SORBS2: variants seen among roughly 807,000 people sequenced by gnomAD.
The protein encoded by SORBS2 is sorbin and SH3 domain-containing protein 2.
SORBS2 carries 46 observed loss-of-function variants against 97.7 expected under a neutral mutation model. The observed-to-expected ratio is 0.47, with a 90% CI of 0.37 to 0.60. SORBS2 has a LOEUF of 0.60. Ranked by LOEUF, SORBS2 falls within the 20% of genes least tolerant of loss-of-function variation. SORBS2 has a pLI of 0.00. For synonymous variants in SORBS2, 476 were observed against 473.4 expected, an observed-to-expected ratio of 1.01 and a Z score of -0.07; for missense variants, 1,316 against 1,282.3, an observed-to-expected ratio of 1.03 and a Z score of -0.40.
chr4:185,646,935 C>T (rs1326023836), intron 3 of SORBS2, among the ~76,000 whole-genome samples, 153 bp from the exon 13 acceptor site: 10 of 152,102 alleles, frequency 6.6e-5, no homozygotes. Context: ...TACCACATTC[C>T]CCCGCCACTG....
intron 2 of SORBS2, among the ~76,000 whole-genome samples, chr4:185,721,889 A>G (rs1474809100): frequency 1.3e-5 from 2 of 152,218 alleles, no homozygotes; most frequent in African/African-American, 4.8e-5. Flanking sequence ...CAAATAATTT[A>G]GAGAGAATTA....
intron 4 of SORBS2, among the ~76,000 whole-genome samples, chr4:185,663,555 A>G (rs1386847874): frequency 3.3e-5 from 5 of 152,202 alleles, no homozygotes; most frequent in Non-Finnish European, 7.3e-5. Context: ...CGTTCAAATA[A>G]CTGTGAGGCA....
intron 2 of SORBS2, among the ~76,000 whole-genome samples, chr4:185,748,683 C>G (rs2098779754): frequency 6.6e-6 from 1 of 152,198 alleles, no homozygotes; most frequent in Non-Finnish European, 1.5e-5. Flanking sequence ...TTAACTACCT[C>G]AAAATAATTT....
intron 1 of SORBS2, among the ~76,000 whole-genome samples, chr4:185,841,028 G>A (rs970783055): frequency 6.6e-6 from 1 of 152,164 alleles, no homozygotes; most frequent in Non-Finnish European, 1.5e-5. Context: ...GTGGAAGAGG[G>A]CAGGAAGCTT....
intron 1 of SORBS2, among the ~76,000 whole-genome samples, chr4:185,937,645 G>T (rs1184134899): frequency 2.0e-5 from 3 of 152,070 alleles, no homozygotes; most frequent in Non-Finnish European, 4.4e-5. Flanking sequence ...CCTCCTACAG[G>T]CTCCTGATTC....
At chr4:185,702,158 G>A (rs995811487) in intron 2 of SORBS2, among the ~76,000 whole-genome samples, 3 of 152,164 alleles carry the variant, frequency 2.0e-5, no homozygotes, top group African/African-American at 7.2e-5. Context: ...AGGAATACCT[G>A]AGGCTGGGTA....
At position 185,623,726 on chromosome 4, in the gene SORBS2, G is replaced by A. The variant is rs147536434; in HGVS notation, c.1403C>T (p.Pro468Leu). 2.2e-5 allele frequency: 35 copies of A among 1,613,830 alleles called. No individual in the cohort carries two copies. Among genetic ancestry groups the A allele is most frequent in the Non-Finnish European group, 2.8e-5 (33 of 1,179,850 alleles). The change falls in exon 7 of 15, where the codon CCC becomes CTC. Residue 468 changes from proline to leucine, a missense_variant. Physicochemically the swap from Pro to Leu is moderately conservative, Grantham distance 98 (BLOSUM62 -3). Coordinates refer to ENST00000418609, the Ensembl canonical transcript of SORBS2. The surrounding 1 kb of genome is among the most constrained non-coding windows in gnomAD (Gnocchi z 6.4). ...CTGGCAGCCTCGCCGGCCCCGAGCGGGGGGGCCGCTTTGATTTTCTTCCTC... is the reference window on the plus strand; with the variant it reads ...CTGGCAGCCTCGCCGGCCCCGAGCGAGGGGGCCGCTTTGATTTTCTTCCTC...
intron 1 of SORBS2, among the ~76,000 whole-genome samples, chr4:185,925,409 A>ATT (rs143220032): frequency 3.3e-5 from 5 of 151,804 alleles, no homozygotes; most frequent in Non-Finnish European, 7.4e-5. Context: ...AAAATAGCAC[A>ATT]TTTTTTTTCT....
chr4:185,798,290 C>A (rs1249956121), intron 1 of SORBS2, among the ~76,000 whole-genome samples: 1 of 152,166 alleles, frequency 6.6e-6, no homozygotes, highest in Non-Finnish European at 1.5e-5. Flanking sequence ...GTGATTCTAA[C>A]AACTTCAACA....
intron 1 of SORBS2, among the ~76,000 whole-genome samples, chr4:185,879,132 A>G (rs2099235296): frequency 7.3e-6 from 1 of 137,358 alleles, no homozygotes; most frequent in Non-Finnish European, 1.5e-5. Context: ...TTAACTCGCC[A>G]TTTACATTAG....
chr4:185,808,614 T>A (rs1380406552), intron 1 of SORBS2, among the ~76,000 whole-genome samples: 1 of 152,198 alleles, frequency 6.6e-6, no homozygotes, highest in East Asian at 1.9e-4. Flanking sequence ...GGTACTCAAG[T>A]TGTAGGGTAA....
intron 2 of SORBS2, among the ~76,000 whole-genome samples, chr4:185,769,800 A>AT (rs1337711044): frequency 6.6e-6 from 1 of 152,032 alleles, no homozygotes; most frequent in African/African-American, 2.4e-5. Flanking sequence ...TAATACTACT[A>AT]TTTTTTAAAC....
rs1190531331 is a variant in SORBS2 at position 185,618,770 on chromosome 4, A to AAATAAGTCC, written c.2305-148_2305-140dup. 425 of 463,440 alleles carry AAATAAGTCC rather than the reference A, an allele frequency of 9.2e-4. 3 individuals carry two copies. Among genetic ancestry groups the AAATAAGTCC allele is most frequent in the Non-Finnish European group, 2.8e-5 (7 of 252,368 alleles). 28.7% of individuals were successfully genotyped at this position (463,440 alleles called of 1,614,324 possible). A position where few individuals can be genotyped will look rare whatever the true frequency, so the allele number is the denominator to read the frequency against. ...AATGTTAATCCTGTAAGCAATTTAT[A>AAATAAGTCC]AATAAGTCCATTCATTCTTCATTTA... On this transcript the variant is annotated intron_variant, in intron 8 of 14. Coordinates refer to ENST00000418609, the Ensembl canonical transcript of SORBS2.
At chr4:185,803,533 A>C (rs1398435878) in intron 1 of SORBS2, among the ~76,000 whole-genome samples, 1 of 152,176 alleles carries the variant, frequency 6.6e-6, no homozygotes, top group Admixed American at 6.5e-5. Context: ...AAACTATATT[A>C]TTTATGGCTT....
intron 1 of SORBS2, among the ~76,000 whole-genome samples, chr4:185,930,594 G>A (rs370249173): frequency 2.7e-4 from 41 of 152,218 alleles, no homozygotes; most frequent in Non-Finnish European, 4.1e-4. Flanking sequence ...CACTGCTCCC[G>A]GCCCTGGATA....
At chr4:185,909,465 A>C (rs2099253634) in intron 1 of SORBS2, among the ~76,000 whole-genome samples, 1 of 152,194 alleles carries the variant, frequency 6.6e-6, no homozygotes, top group Non-Finnish European at 1.5e-5. Context: ...GGATCTACCA[A>C]AAGCCCAGAC....
At chr4:185,733,830 C>T (rs141269458) in intron 2 of SORBS2, among the ~76,000 whole-genome samples, 2 of 152,248 alleles carry the variant, frequency 1.3e-5, no homozygotes, top group African/African-American at 4.8e-5. Flanking sequence ...GCCTCATTTC[C>T]TCTGATGTTC....
intron 12 of SORBS2, among the ~76,000 whole-genome samples, chr4:185,598,118 G>A (rs2096159587): frequency 6.6e-6 from 1 of 152,178 alleles, no homozygotes; most frequent in Admixed American, 6.5e-5. Flanking sequence ...AGGCTTACAT[G>A]AGCTGAACCT....
At chr4:185,720,386 T>C (rs10017672) in intron 2 of SORBS2, among the ~76,000 whole-genome samples, 122,794 of 152,062 alleles carry the variant, frequency 0.81, 50,249 homozygotes, top group Non-Finnish European at 0.89. Context: ...CAATTTTACA[T>C]TAAACTCTGT....
Sources: allele counts gnomAD v4.1 joint callset (sites outside exome capture counted in the v4.1 genomes callset), GRCh38; gene constraint gnomAD v4.1.1; non-coding constraint Gnocchi (gnomAD v3.1); transcripts MANE v1.5; gene names NCBI Gene and HGNC (gene_info 2026-07-23, HGNC 2026-07-21).